Variants in LARS1 observed in about 807,000 individuals in gnomAD.
LARS1 encodes the protein leucine--tRNA ligase, cytoplasmic.
Under a neutral mutation model 162.8 loss-of-function variants are expected in LARS1, and 100 were observed. The ratio of observed to expected loss-of-function variants is 0.61; its 90% CI spans 0.52 to 0.73. LARS1 has a LOEUF of 0.73. LARS1 is among the 30% of genes least tolerant of loss of function. LARS1 has a pLI of 0.00. For missense variants in LARS1, 1,258 were observed against 1,408.9 expected (o/e 0.89, Z 1.71); for synonymous variants, 457 against 462.8 (o/e 0.99, Z 0.16).
At chr5:146,126,293 C>G (rs1028368138) in intron 28 of LARS1, 142 bp downstream of exon 28, 3 of 539,272 alleles carry the variant, frequency 5.6e-6, no homozygotes, top group Non-Finnish European at 6.6e-6. Flanking sequence ...TCTGATAGAT[C>G]ATTTCTCTCA....
rs777838152 is a variant in LARS1, at chr5:146,151,959, A to G, written c.1328T>C (p.Val443Ala). Reference protein sequence around the residue: ...EIPGFGNLSAVTICDELKIQS... With the variant: ...EIPGFGNLSAATICDELKIQS... ...AATTTTCAACTCATCACAAATGGTT[A>G]CAGCAGAAAGATTTCCAAAACCTGG... Residue 443 changes from valine (V) to alanine (A), a missense_variant, in exon 14 of 32, where the codon GTA becomes GCA. By Grantham distance (64) the Val-to-Ala change is moderately conservative. Transcript: ENST00000394434. The G allele has an allele frequency of 6.8e-6, 11 of 1,614,048 alleles. No individual in the cohort carries two copies. Among genetic ancestry groups the G allele is most frequent in the Non-Finnish European group, 9.3e-6 (11 of 1,180,022 alleles).
chr5:146,153,282 A>C (rs1753373656), intron 12 of LARS1, 55 bp from the exon 13 acceptor site: 1 of 1,241,630 alleles, frequency 8.1e-7, no homozygotes. Context: ...TGGGAGAATC[A>C]TTGAGAGAAG....
chr5:146,138,076 C>G (rs1046789460), intron 21 of LARS1: 4 of 148,592 alleles, frequency 2.7e-5, no homozygotes, highest in Non-Finnish European at 5.9e-5. Flanking sequence ...GCCGAGATTA[C>G]GTCATTGCAT....
Position 146,144,688 on chromosome 5 carries a change from C to G in LARS1, c.1525G>C (p.Glu509Gln). 6.2e-7 allele frequency: 1 copy of G among 1,613,882 alleles called. No homozygotes were observed. Among genetic ancestry groups the G allele is most frequent in the Non-Finnish European group, 8.5e-7 (1 of 1,179,950 alleles). ...CTGGACATCACTTGTTTCTCTGGTTCCATGTAAATAAGTGCATCTCCCTAA... is the reference window on the plus strand; with the variant it reads ...CTGGACATCACTTGTTTCTCTGGTTGCATGTAAATAAGTGCATCTCCCTAA... ...IDAGDALIYM[E>Q]PEKQVMSRSS... Residue 509 changes from glutamate to glutamine, a missense_variant, in exon 16 of 32, where the codon GAA becomes CAA. Glu to Gln is a conservative substitution (Grantham distance 29). Coordinates refer to ENST00000394434, the MANE Select transcript of LARS1 (RefSeq NM_020117.11).
At chr5:146,179,742 G>C (rs993845968) in intron 1 of LARS1, 2 of 399,188 alleles carry the variant, frequency 5.0e-6, no homozygotes, top group African/African-American at 4.2e-5. Context: ...TGGGACTACA[G>C]GCATATGCAC....
intron 14 of LARS1, 133 bp downstream of exon 14, chr5:146,151,729 A>G: frequency 1.2e-6 from 1 of 815,028 alleles, no homozygotes; most frequent in Non-Finnish European, 1.9e-6. Context: ...TGGAAATAGA[A>G]TACATTCTCA....
chr5:146,124,745 A>T (rs891203548), intron 28 of LARS1, among the ~76,000 whole-genome samples: 2 of 151,942 alleles, frequency 1.3e-5, no homozygotes, highest in African/African-American at 4.8e-5. Context: ...AATGAAAGTG[A>T]CCTGATATTA....
intron 31 of LARS1, among the ~76,000 whole-genome samples, chr5:146,117,161 G>A (rs1231966119): frequency 6.6e-6 from 1 of 152,120 alleles, no homozygotes; most frequent in Non-Finnish European, 1.5e-5. Context: ...AAGGCTCAAT[G>A]AGAAAAGACA....
chr5:146,160,052 T>C (rs1317654998), intron 7 of LARS1, among the ~76,000 whole-genome samples: 5 of 151,748 alleles, frequency 3.3e-5, no homozygotes, highest in African/African-American at 9.7e-5. Flanking sequence ...AAACAAAGGA[T>C]ACAAAAGAAT....
intron 5 of LARS1, among the ~76,000 whole-genome samples, chr5:146,165,934 C>G (rs937667137): frequency 2.0e-5 from 3 of 152,132 alleles, no homozygotes; most frequent in Non-Finnish European, 2.9e-5. Flanking sequence ...GAATGAGACC[C>G]ATGGTGCTAA....
At chr5:146,163,451 T>G (rs781076966) in intron 6 of LARS1, among the ~76,000 whole-genome samples, 1 of 152,172 alleles carries the variant, frequency 6.6e-6, no homozygotes, top group African/African-American at 2.4e-5. Context: ...TTTGGGAGGC[T>G]GAGATGGGCA....
intron 12 of LARS1, among the ~76,000 whole-genome samples, chr5:146,153,429 G>T (rs1753382211): frequency 6.6e-6 from 1 of 152,170 alleles, no homozygotes. Flanking sequence ...AAGTTATAGT[G>T]AATAGCCTAA....
chr5:146,122,046 A>G (rs536621745), intron 30 of LARS1, among the ~76,000 whole-genome samples: 6 of 152,224 alleles, frequency 3.9e-5, no homozygotes, highest in African/African-American at 1.4e-4. Flanking sequence ...AAAAACTAAG[A>G]GGTTAAAAAA....
At chr5:146,182,190 C>T (rs1045500754) in intron 1 of LARS1, 3 of 411,826 alleles carry the variant, frequency 7.3e-6, no homozygotes, top group Admixed American at 3.6e-5. Context: ...ATCCACCCGC[C>T]TCGGCCTCCC....
Position 146,140,344 on chromosome 5 carries a change from A to G in LARS1, c.2091-83T>C, listed in dbSNP as rs1279031193. The G allele has an allele frequency of 2.5e-5, 25 of 1,008,346 alleles. No homozygotes were observed. In the East Asian group the frequency reaches 3.0e-4, roughly 12 times the overall value. The allele number at this position is 1,008,346 out of a possible 1,614,324, so 62.5% of individuals were successfully genotyped here. A position where few individuals can be genotyped will look rare whatever the true frequency, so the allele number is the denominator to read the frequency against. ...TTAAAATTTTGAGGTAAAAGCTAAT[A>G]GACTCATAAAGGCTTGCTAAGATAA... On this transcript the variant is annotated intron_variant, in intron 20 of 31. Coordinates refer to ENST00000394434, the MANE Select transcript of LARS1 (RefSeq NM_020117.11).
chr5:146,173,077 G>A (rs1754348967), intron 2 of LARS1, among the ~76,000 whole-genome samples: 1 of 152,154 alleles, frequency 6.6e-6, no homozygotes, highest in Admixed American at 6.6e-5. Context: ...GTCAGGCGTG[G>A]TGGCTCACAC....
chr5:146,150,112 C>T (rs1376289800), intron 14 of LARS1, among the ~76,000 whole-genome samples: 1 of 152,172 alleles, frequency 6.6e-6, no homozygotes, highest in Admixed American at 6.5e-5. Context: ...GGTGAGTATT[C>T]TTTGCCTGAC....
At chr5:146,144,444 C>T (rs774267116) in intron 17 of LARS1, 28 bp downstream of exon 17, 17 of 1,603,084 alleles carry the variant, frequency 1.1e-5, no homozygotes, top group Middle Eastern at 1.7e-4. Context: ...TCTCCTTTTT[C>T]CTCCTTCATC....
intron 28 of LARS1, among the ~76,000 whole-genome samples, chr5:146,124,425 T>C (rs990285143): frequency 9.2e-5 from 14 of 151,952 alleles, no homozygotes; most frequent in African/African-American, 3.4e-4. Flanking sequence ...TTACAGGGAA[T>C]CAGCCAAATG....
Sources: allele counts gnomAD v4.1 joint callset (sites outside exome capture counted in the v4.1 genomes callset), GRCh38; gene constraint gnomAD v4.1.1; transcripts MANE v1.5; gene names NCBI Gene and HGNC (gene_info 2026-07-23, HGNC 2026-07-21).